The following FBXL17 variants were observed in gnomAD, a reference collection of about 807,000 sequenced individuals.
FBXL17 encodes F-box/LRR-repeat protein 17.
Under a neutral mutation model 66.2 loss-of-function variants are expected in FBXL17, and 22 were observed. The ratio of observed to expected loss-of-function variants is 0.33; its 90% CI spans 0.24 to 0.47. FBXL17 has a LOEUF of 0.47. Ranked by LOEUF, FBXL17 falls within the 20% of genes least tolerant of loss-of-function variation. The probability of loss-of-function intolerance (pLI) is 1.00; values close to 1 mark genes in which losing one functional copy is unlikely to be tolerated. For missense variants in FBXL17, 878 were observed against 948.2 expected, an observed-to-expected ratio of 0.93 and a Z score of 0.97; for synonymous variants, 474 against 400.5, an observed-to-expected ratio of 1.18 and a Z score of -2.19.
chr5:108,241,566 G>A (rs2150101094), intron 4 of FBXL17, among the ~76,000 whole-genome samples: 1 of 152,144 alleles, frequency 6.6e-6, no homozygotes, highest in East Asian at 1.9e-4. Context: ...AGAGAGAGCA[G>A]TAGAAAGTTT....
intron 4 of FBXL17, among the ~76,000 whole-genome samples, chr5:108,266,924 G>A (rs991230520): frequency 6.6e-6 from 1 of 151,926 alleles, no homozygotes; most frequent in Non-Finnish European, 1.5e-5. Context: ...CATGGATAAG[G>A]GGAACTATTA....
chr5:108,055,665 C>T (rs1474911693), intron 6 of FBXL17, among the ~76,000 whole-genome samples: 5 of 146,480 alleles, frequency 3.4e-5, no homozygotes, highest in Non-Finnish European at 6.0e-5. Flanking sequence ...AAAATGGTTC[C>T]ACATGCTTGT....
chr5:108,057,186 A>G (rs1747742276), intron 6 of FBXL17, among the ~76,000 whole-genome samples: 1 of 152,224 alleles, frequency 6.6e-6, no homozygotes, highest in South Asian at 2.1e-4. Flanking sequence ...CATGTCTCAG[A>G]ATAATCTAGT....
Position 107,861,511 on chromosome 5 carries a change from T to A in FBXL17, c.*209A>T. On this transcript the variant is annotated 3_prime_UTR_variant, in exon 9 of 9. Transcript: ENST00000542267. ...TAAAAAGTTTGTGGCTTTCATAATCTTTAATTTCTAAGAAAAAAAGCCAGC... is the reference window on the plus strand; with the variant it reads ...TAAAAAGTTTGTGGCTTTCATAATCATTAATTTCTAAGAAAAAAAGCCAGC... 1 of 394,196 alleles carries A rather than the reference T, an allele frequency of 2.5e-6. No individual in the cohort carries two copies. The highest frequency in any genetic ancestry group is 4.3e-6 in the Non-Finnish European group (1 of 231,352). The allele number at this position is 394,196 out of a possible 1,614,324, so 24.4% of individuals were successfully genotyped here.
intron 6 of FBXL17, among the ~76,000 whole-genome samples, chr5:108,090,060 C>T (rs954635842): frequency 9.9e-5 from 15 of 152,126 alleles, no homozygotes; most frequent in African/African-American, 3.4e-4. Flanking sequence ...AACTCCCAAG[C>T]TCAAGCAATC....
intron 4 of FBXL17, among the ~76,000 whole-genome samples, chr5:108,289,949 G>C (rs200957827): frequency 2.6e-5 from 4 of 152,256 alleles, no homozygotes; most frequent in Middle Eastern, 3.4e-3. Context: ...ATTTTACTCT[G>C]TAAAACATTC....
chr5:108,036,736 G>A (rs1186472120), intron 6 of FBXL17, among the ~76,000 whole-genome samples: 1 of 152,078 alleles, frequency 6.6e-6, no homozygotes, highest in African/African-American at 2.4e-5. Context: ...CAGGACTCAC[G>A]CTTATCTTAG....
chr5:108,302,013 C>A, intron 4 of FBXL17: 1 of 984,764 alleles, frequency 1.0e-6, no homozygotes, highest in Non-Finnish European at 1.2e-6. Flanking sequence ...TTTCTCATGT[C>A]GTGATTGGAA....
chr5:108,077,234 C>T (rs1748586677), intron 6 of FBXL17, among the ~76,000 whole-genome samples: 1 of 152,114 alleles, frequency 6.6e-6, no homozygotes, highest in East Asian at 1.9e-4. Flanking sequence ...TTTAAAAGAG[C>T]CCACACGATC....
chr5:108,083,250 C>CACACACACAG (rs369652150), intron 6 of FBXL17, among the ~76,000 whole-genome samples: 4,732 of 145,524 alleles, frequency 0.033, 92 homozygotes, highest in Non-Finnish European at 0.049. Flanking sequence ...CACACACACA[C>CACACACACAG]AGAGAGAGAG....
chr5:108,346,381 T>A (rs1747282237), intron 4 of FBXL17, among the ~76,000 whole-genome samples: 1 of 152,062 alleles, frequency 6.6e-6, no homozygotes, highest in South Asian at 2.1e-4. Context: ...ATATAACATA[T>A]TTTTAATGTA....
intron 6 of FBXL17, among the ~76,000 whole-genome samples, chr5:108,065,359 G>A (rs1345898862): frequency 2.0e-5 from 3 of 152,128 alleles, no homozygotes; most frequent in African/African-American, 7.2e-5. Context: ...TACACATGTA[G>A]GAGTTTAAAC....
intron 6 of FBXL17, among the ~76,000 whole-genome samples, chr5:108,173,558 C>G (rs1396550061): frequency 6.6e-6 from 1 of 152,164 alleles, no homozygotes; most frequent in African/African-American, 2.4e-5. Context: ...TCCTTTAACA[C>G]GTGTTTCTCT....
intron 7 of FBXL17, among the ~76,000 whole-genome samples, chr5:107,918,085 C>T (rs1005976865): frequency 6.6e-6 from 1 of 152,204 alleles, no homozygotes; most frequent in African/African-American, 2.4e-5. Context: ...CCCCTCATTC[C>T]TTGCTGAGGA....
chr5:108,295,338 T>G (rs1758302035), intron 4 of FBXL17, among the ~76,000 whole-genome samples: 2 of 151,870 alleles, frequency 1.3e-5, no homozygotes, highest in Non-Finnish European at 2.9e-5. Context: ...ACATTGAGCA[T>G]TTAATTCTCA....
chr5:107,875,634 A>G lies in FBXL17; in HGVS notation c.1965+5403T>C, dbSNP rs192138976. On this transcript the variant is annotated intron_variant, in intron 8 of 8. Transcript: ENST00000542267. ...CTTCTTATGGATTTGATTTTAAAAA[A>G]TCTCTCTCCCATTTAAAAATGTGGA... 8.1e-3 allele frequency among the ~76,000 whole-genome samples: 1,233 copies of G among 152,268 alleles called. 13 individuals carry two copies. Among genetic ancestry groups the G allele is most frequent in the South Asian group, 0.022 (105 of 4,824 alleles).
At chr5:108,162,890 T>G (rs550059911) in intron 6 of FBXL17, among the ~76,000 whole-genome samples, 1 of 152,186 alleles carries the variant, frequency 6.6e-6, no homozygotes, top group East Asian at 1.9e-4. Context: ...TCTGAAATCC[T>G]AAGTAGCCAT....
At chr5:108,301,451 A>G (rs1758584571) in intron 4 of FBXL17, among the ~76,000 whole-genome samples, 1 of 151,842 alleles carries the variant, frequency 6.6e-6, no homozygotes, top group African/African-American at 2.4e-5. Context: ...ATACTGCAAG[A>G]TTCTTACATC....
chr5:108,371,893 C>A lies in FBXL17; in HGVS notation c.994-3940G>T, dbSNP rs967363168. On this transcript the variant is annotated intron_variant, in intron 1 of 8. Transcript: ENST00000542267. Reference sequence around the variant, plus strand: ...CCTAGGTTATTTCTTCACTGCAGGACGAGACTCATTAGCTCAAGAGCCCAC... The same window carrying A: ...CCTAGGTTATTTCTTCACTGCAGGAAGAGACTCATTAGCTCAAGAGCCCAC... 1.4e-3 allele frequency among the ~76,000 whole-genome samples: 206 copies of A among 152,208 alleles called. 1 individual carries two copies. Among genetic ancestry groups the A allele is most frequent in the African/African-American group, 4.6e-3 (193 of 41,526 alleles).
Sources: gnomAD v4.1 joint callset for allele counts (sites outside exome capture counted in the v4.1 genomes callset) on GRCh38, gnomAD v4.1.1 for gene constraint, MANE v1.5 for transcripts, NCBI Gene and HGNC (gene_info 2026-07-23, HGNC 2026-07-21) for gene names.